The following CNOT6 variants were observed in gnomAD, a reference collection of about 807,000 sequenced individuals.
The protein encoded by CNOT6 is carbon catabolite repression 4 protein.
Under a neutral mutation model 61.2 loss-of-function variants are expected in CNOT6, and 12 were observed. The ratio of observed to expected loss-of-function variants is 0.20; its 90% CI spans 0.13 to 0.32. CNOT6 has a LOEUF of 0.32. Ranked by LOEUF, CNOT6 falls within the 10% of genes least tolerant of loss-of-function variation. The probability of loss-of-function intolerance (pLI) is 1.00; values close to 1 mark genes in which losing one functional copy is unlikely to be tolerated. For missense variants in CNOT6, 405 were observed against 663.9 expected (o/e 0.61, Z 4.28); for synonymous variants, 225 against 240.6 (o/e 0.94, Z 0.60).
chr5:180,567,556 G>T (rs887644208), intron 8 of CNOT6, among the ~76,000 whole-genome samples: 1 of 152,098 alleles, frequency 6.6e-6, no homozygotes, highest in African/African-American at 2.4e-5. Flanking sequence ...CTTTAGAAAA[G>T]AATTGTTTAA....
rs1359448963 is a variant in CNOT6, at chr5:180,574,198, T to C, written c.1672T>C (p.Ter558GlnextTer9). 1 of 1,611,796 alleles carries C rather than the reference T, an allele frequency of 6.2e-7. No individual in the cohort carries two copies. The highest frequency in any genetic ancestry group is 1.1e-5 in the South Asian group (1 of 91,038). Residue 558 changes from the stop codon to glutamine, a stop_lost, in exon 12 of 12, where the codon TAG (stop) becomes CAG (glutamine). Coordinates refer to ENST00000261951, the MANE Select transcript of CNOT6 (RefSeq NM_001370472.1). ...VNGIHLPGRR[*>Q] ...CGGCATCCACCTTCCTGGCAGGAGG[T>C]AGTCAAGCACCTTCAGAGGACAGCC...
At chr5:180,549,535 A>T (rs1386632798) in intron 2 of CNOT6, among the ~76,000 whole-genome samples, 1 of 152,116 alleles carries the variant, frequency 6.6e-6, no homozygotes, top group African/African-American at 2.4e-5. Flanking sequence ...CTGTAATCCC[A>T]GCTACTTGGA....
intron 11 of CNOT6, among the ~76,000 whole-genome samples, chr5:180,571,841 G>T (rs1285139569): frequency 6.6e-6 from 1 of 152,084 alleles, no homozygotes; most frequent in Non-Finnish European, 1.5e-5. Context: ...GGGATTACAG[G>T]CGTGAACCAC....
chr5:180,571,498 T>G (rs956559859), intron 11 of CNOT6, 66 bp downstream of exon 11: 1 of 1,144,214 alleles, frequency 8.7e-7, no homozygotes, highest in Non-Finnish European at 1.3e-6. Context: ...GATACATCAT[T>G]ATGTCTTTAA....
At chr5:180,537,031 T>C (rs376054475) in intron 2 of CNOT6, among the ~76,000 whole-genome samples, 77 of 152,346 alleles carry the variant, frequency 5.1e-4, no homozygotes, top group Middle Eastern at 6.8e-3. Context: ...GATGTACCAG[T>C]TTATTTACCC....
At chr5:180,566,498 A>G (rs1760462681) in intron 7 of CNOT6, among the ~76,000 whole-genome samples, 1 of 152,186 alleles carries the variant, frequency 6.6e-6, no homozygotes, top group African/African-American at 2.4e-5. Context: ...GTTCTAAGAC[A>G]TAAGGAAATA....
At chr5:180,559,340 C>T (rs1281709126) in intron 4 of CNOT6, among the ~76,000 whole-genome samples, 1 of 152,112 alleles carries the variant, frequency 6.6e-6, no homozygotes, top group Non-Finnish European at 1.5e-5. Context: ...GGGATTGAGC[C>T]TTTATTATTA....
intron 3 of CNOT6, among the ~76,000 whole-genome samples, chr5:180,552,084 G>T (rs1759631543): frequency 6.6e-6 from 1 of 151,734 alleles, no homozygotes; most frequent in African/African-American, 2.4e-5. Context: ...GGCCAGGCTA[G>T]TCTCAAACTC....
intron 2 of CNOT6, among the ~76,000 whole-genome samples, chr5:180,537,554 C>T (rs899923297): frequency 1.3e-5 from 2 of 151,956 alleles, no homozygotes; most frequent in Non-Finnish European, 2.9e-5. Context: ...AAATATCTCC[C>T]GGTCTGTGGG....
At chr5:180,552,009 C>T (rs961086676) in intron 3 of CNOT6, among the ~76,000 whole-genome samples, 1 of 151,764 alleles carries the variant, frequency 6.6e-6, no homozygotes, top group African/African-American at 2.4e-5. Flanking sequence ...GCTGGGATTA[C>T]AAGCGTGTGC....
chr5:180,542,267 A>G (rs530528786), intron 2 of CNOT6, among the ~76,000 whole-genome samples: 12 of 140,728 alleles, frequency 8.5e-5, no homozygotes, highest in Admixed American at 1.4e-4. Context: ...TGGGCTACCA[A>G]TTTTTTTTTT....
At chr5:180,554,631 A>G (rs762296460) in intron 4 of CNOT6, among the ~76,000 whole-genome samples, 4 of 151,910 alleles carry the variant, frequency 2.6e-5, no homozygotes, top group Admixed American at 6.6e-5. Flanking sequence ...TGAACTAGCT[A>G]AGGCTTCTAA....
chr5:180,523,692 A>G (rs1471312320), intron 1 of CNOT6, among the ~76,000 whole-genome samples: 1 of 152,076 alleles, frequency 6.6e-6, no homozygotes, highest in Non-Finnish European at 1.5e-5. Context: ...TAAGTCTCTT[A>G]TAACCCCTCA....
chr5:180,574,026 G>C lies in CNOT6; in HGVS notation c.1500G>C (p.Leu500=). Residue 500 remains leucine (L), a synonymous_variant, in exon 12 of 12, where the codon CTG becomes CTC. Coordinates refer to ENST00000261951, the MANE Select transcript of CNOT6 (RefSeq NM_001370472.1). The part of the protein sequence containing the change: ...IDYIFYSKPQ[L]NTLGILGPLD... The stretch of plus-strand genomic sequence containing the variant: ...ACATTTTCTATTCTAAACCTCAGCT[G>C]AACACCTTAGGCATCCTGGGCCCTC... 1 of 1,613,908 alleles carries C rather than the reference G, an allele frequency of 6.2e-7. No individual in the cohort carries two copies. Among genetic ancestry groups the C allele is most frequent in the Non-Finnish European group, 8.5e-7 (1 of 1,179,892 alleles).
In CNOT6 at chr5:180,577,841, G is replaced by T. The variant is rs1420608374; in HGVS notation, c.*3641G>T. On this transcript the variant is annotated 3_prime_UTR_variant, in exon 12 of 12. Coordinates refer to ENST00000261951, the MANE Select transcript of CNOT6 (RefSeq NM_001370472.1). ...ACTGGCAGTAACAAGGGCTTTTACTGTTCTGTTCAGTGGAACCTTCTTGGT... is the reference window on the plus strand; with the variant it reads ...ACTGGCAGTAACAAGGGCTTTTACTTTTCTGTTCAGTGGAACCTTCTTGGT... 6.6e-6 allele frequency: 1 copy of T among 152,614 alleles called. No individual in the cohort carries two copies. The highest frequency in any genetic ancestry group is 1.5e-5 in the Non-Finnish European group (1 of 68,026). 9.5% of individuals were successfully genotyped at this position (152,614 alleles called of 1,614,324 possible). A position where few individuals can be genotyped will look rare whatever the true frequency, so the allele number is the denominator to read the frequency against.
At chr5:180,550,395 A>G (rs1230192811) in intron 3 of CNOT6, among the ~76,000 whole-genome samples, 3 of 151,972 alleles carry the variant, frequency 2.0e-5, no homozygotes. Context: ...AGTGGCAGTG[A>G]GCCGAGATCA....
At chr5:180,512,026 G>C (rs755229259) in intron 1 of CNOT6, among the ~76,000 whole-genome samples, 19 of 152,188 alleles carry the variant, frequency 1.2e-4, no homozygotes, top group Non-Finnish European at 2.4e-4. Flanking sequence ...TCATTCAGCT[G>C]TCTTCTCTTG....
At chr5:180,537,363 G>C (rs1286486962) in intron 2 of CNOT6, among the ~76,000 whole-genome samples, 1 of 152,048 alleles carries the variant, frequency 6.6e-6, no homozygotes, top group African/African-American at 2.4e-5. Context: ...TTAATTTGCG[G>C]TTCTCTAATG....
At chr5:180,570,364 A>C (rs1760685850) in intron 10 of CNOT6, among the ~76,000 whole-genome samples, 1 of 152,166 alleles carries the variant, frequency 6.6e-6, no homozygotes, top group Non-Finnish European at 1.5e-5. Context: ...AATAATAATA[A>C]TATGATAATA....
Sources: gnomAD v4.1 joint callset for allele counts (sites outside exome capture counted in the v4.1 genomes callset) on GRCh38, gnomAD v4.1.1 for gene constraint, MANE v1.5 for transcripts, NCBI Gene and HGNC (gene_info 2026-07-23, HGNC 2026-07-21) for gene names.